ST8SIA1: variants seen among roughly 807,000 people sequenced by gnomAD.
ST8SIA1 encodes the protein alpha-N-acetylneuraminide alpha-2,8-sialyltransferase.
In ST8SIA1, 16 loss-of-function variants were observed where a neutral mutation model predicts 35.9. The observed-to-expected ratio is 0.45, with a 90% CI of 0.30 to 0.68. The LOEUF (loss-of-function observed/expected upper bound fraction) is 0.68. ST8SIA1 is among the 30% of genes least tolerant of loss of function. The probability of loss-of-function intolerance (pLI) is 0.09; values close to 1 mark genes in which losing one functional copy is unlikely to be tolerated. For missense variants in ST8SIA1, 383 were observed against 453.6 expected (o/e 0.84, Z 1.41); for synonymous variants, 170 against 169.6 (o/e 1.00, Z -0.02).
chr12:22,246,610 G>A (rs1434249174), intron 4 of ST8SIA1, among the ~76,000 whole-genome samples: 1 of 152,068 alleles, frequency 6.6e-6, no homozygotes, highest in Non-Finnish European at 1.5e-5. Flanking sequence ...CTTTGTCACA[G>A]TCTTCTGTGT....
At chr12:22,312,713 G>GAAA (rs63016160) in intron 1 of ST8SIA1, among the ~76,000 whole-genome samples, 2 of 103,596 alleles carry the variant, frequency 1.9e-5, no homozygotes, top group African/African-American at 3.3e-5. Context: ...TCACGGAAAT[G>GAAA]AAAAAAAAAA....
At chr12:22,328,382 G>A (rs1022235237) in intron 1 of ST8SIA1, among the ~76,000 whole-genome samples, 6 of 152,170 alleles carry the variant, frequency 3.9e-5, no homozygotes, top group African/African-American at 1.4e-4. Context: ...TAAGAATGAG[G>A]CACAGTTCCT....
At chr12:22,233,319 C>G (rs1259789856) in intron 4 of ST8SIA1, among the ~76,000 whole-genome samples, 3 of 151,714 alleles carry the variant, frequency 2.0e-5, no homozygotes, top group Non-Finnish European at 4.4e-5. Flanking sequence ...GAAATAAAAT[C>G]CCAGCAAAAA....
At chr12:22,222,559 AC>A (rs2120666034) in intron 4 of ST8SIA1, among the ~76,000 whole-genome samples, 1 of 152,060 alleles carries the variant, frequency 6.6e-6, no homozygotes, top group East Asian at 1.9e-4. Context: ...TAAAAGTAGC[AC>A]TGTATGTGAA....
In ST8SIA1 at chr12:22,318,556, C is replaced by T. The variant is rs550213047; in HGVS notation, c.236+15441G>A. On this transcript the variant is annotated intron_variant, in intron 1 of 4. Transcript: ENST00000396037. ...AAGGAAAAAAAGAGACATCCTCCTTCCCCCTCTTTTCCCTGCCTCCTTCTC... is the reference window on the plus strand; with the variant it reads ...AAGGAAAAAAAGAGACATCCTCCTTTCCCCTCTTTTCCCTGCCTCCTTCTC... 2.6e-5 allele frequency among the ~76,000 whole-genome samples: 4 copies of T among 152,226 alleles called. No individual in the cohort carries two copies. In the South Asian group the frequency reaches 8.3e-4, roughly 32 times the overall value.
At chr12:22,227,924 C>G (rs1386170200) in intron 4 of ST8SIA1, among the ~76,000 whole-genome samples, 1 of 152,198 alleles carries the variant, frequency 6.6e-6, no homozygotes, top group East Asian at 1.9e-4. Flanking sequence ...GTTAGGGAGT[C>G]ATACGCAGAA....
intron 4 of ST8SIA1, among the ~76,000 whole-genome samples, chr12:22,233,141 T>C (rs908531477): frequency 3.9e-5 from 6 of 152,096 alleles, no homozygotes; most frequent in East Asian, 1.9e-4. Context: ...AATTTCAAAA[T>C]ATGAGGCGAG....
At chr12:22,321,003 GAAGAAAGAA>G (rs1210593816) in intron 1 of ST8SIA1, among the ~76,000 whole-genome samples, 1 of 76,566 alleles carries the variant, frequency 1.3e-5, no homozygotes, top group African/African-American at 4.8e-5. Flanking sequence ...AAGAAAGAAA[GAAGAAAGAA>G]AGAAAGAAAG....
chr12:22,201,912 A>T lies in ST8SIA1; in HGVS notation c.711T>A (p.Tyr237Ter), dbSNP rs756535785. Residue 237 changes from tyrosine to a stop codon, truncating the protein, a stop_gained, in exon 5 of 5, where the codon TAT becomes TAA. Coordinates refer to ENST00000396037, the MANE Select transcript of ST8SIA1 (RefSeq NM_003034.4). LOFTEE classifies it high-confidence loss of function. ...TGTEPSLRVYYTLSDVGANQT... is the reference protein window; with the variant it reads ...TGTEPSLRVY Reference sequence around the variant, plus strand: ...GATTGGCACCAACATCTGACAGTGTATAATAAACCCTCAAAGATGGCTCTG... The same window carrying T: ...GATTGGCACCAACATCTGACAGTGTTTAATAAACCCTCAAAGATGGCTCTG... 1 of 1,614,124 alleles carries T rather than the reference A, an allele frequency of 6.2e-7. No homozygotes were observed. The highest frequency in any genetic ancestry group is 8.5e-7 in the Non-Finnish European group (1 of 1,179,966).
At chr12:22,294,273 T>G (rs1866216137) in intron 1 of ST8SIA1, among the ~76,000 whole-genome samples, 2 of 150,502 alleles carry the variant, frequency 1.3e-5, no homozygotes, top group Non-Finnish European at 2.9e-5. Context: ...TAATACTGCC[T>G]CTGGGGCAAA....
chr12:22,210,436 T>C (rs1865163929), intron 4 of ST8SIA1, among the ~76,000 whole-genome samples: 1 of 152,208 alleles, frequency 6.6e-6, no homozygotes, highest in Admixed American at 6.5e-5. Context: ...AGAAAAATTC[T>C]GTGACCTATA....
chr12:22,235,365 C>T (rs1865465799), intron 4 of ST8SIA1, among the ~76,000 whole-genome samples: 1 of 151,934 alleles, frequency 6.6e-6, no homozygotes, highest in Non-Finnish European at 1.5e-5. Flanking sequence ...TTCTATTCTC[C>T]AATAAAATGA....
At chr12:22,242,874 A>C (rs1171625722) in intron 4 of ST8SIA1, among the ~76,000 whole-genome samples, 1 of 152,178 alleles carries the variant, frequency 6.6e-6, no homozygotes, top group East Asian at 1.9e-4. Flanking sequence ...CAGAGGATGA[A>C]TGTGACTGCA....
rs1373440208 is a variant in ST8SIA1 at position 22,325,952 on chromosome 12, G to C, written c.236+8045C>G. 4 of 679,022 alleles carry C rather than the reference G, an allele frequency of 5.9e-6. No homozygotes were observed. The South Asian group carries it at 6.4e-5, about 11-fold the overall frequency. 42.1% of individuals were successfully genotyped at this position (679,022 alleles called of 1,614,324 possible). A position where few individuals can be genotyped will look rare whatever the true frequency, so the allele number is the denominator to read the frequency against. On this transcript the variant is annotated intron_variant, in intron 1 of 4. Coordinates refer to ENST00000396037, the MANE Select transcript of ST8SIA1 (RefSeq NM_003034.4). ...GAGACGCTGAACAAAGGGAAGATTCGCATCCCAGGCAAGACATAGTGGGAC... is the reference window on the plus strand; with the variant it reads ...GAGACGCTGAACAAAGGGAAGATTCCCATCCCAGGCAAGACATAGTGGGAC...
In ST8SIA1 at chr12:22,256,768, A is replaced by T. The variant is rs183934539; in HGVS notation, c.382-1379T>A. Among the ~76,000 whole-genome samples the T allele has an allele frequency of 3.5e-3, 533 of 152,298 alleles. 2 individuals are homozygous for T. The highest frequency in any genetic ancestry group is 6.4e-3 in the Non-Finnish European group (438 of 68,032). On this transcript the variant is annotated intron_variant, in intron 2 of 4. Transcript: ENST00000396037. ...TTGTTGATAAAAATACAGTACTTAAAGTGTAATGTCTAAGCATTTGCCAGC... is the reference window on the plus strand; with the variant it reads ...TTGTTGATAAAAATACAGTACTTAATGTGTAATGTCTAAGCATTTGCCAGC...
At chr12:22,323,932 T>A (rs759347885) in intron 1 of ST8SIA1, among the ~76,000 whole-genome samples, 124 of 152,004 alleles carry the variant, frequency 8.2e-4, no homozygotes, top group Non-Finnish European at 2.8e-4. Context: ...GGATGATCTG[T>A]GGAGTAAACC....
At chr12:22,272,185 C>T (rs1289612320) in intron 2 of ST8SIA1, among the ~76,000 whole-genome samples, 1 of 152,168 alleles carries the variant, frequency 6.6e-6, no homozygotes, top group Non-Finnish European at 1.5e-5. Flanking sequence ...CTATAATTTA[C>T]TTTATAATTT....
chr12:22,211,436 A>G (rs1591824752), intron 4 of ST8SIA1, among the ~76,000 whole-genome samples: 2 of 152,322 alleles, frequency 1.3e-5, no homozygotes, highest in South Asian at 2.1e-4. Flanking sequence ...AGGGGCTGTC[A>G]ACCATGATTG....
Position 22,334,090 on chromosome 12 carries a change from A to T in ST8SIA1, c.143T>A (p.Val48Asp). 6.2e-7 allele frequency: 1 copy of T among 1,613,858 alleles called. No individual in the cohort carries two copies. Among genetic ancestry groups the T allele is most frequent in the African/African-American group, 1.3e-5 (1 of 74,962 alleles). The stretch of plus-strand genomic sequence containing the variant: ...CTCTTTCTCGTTGGGCAGCCGGTAG[A>T]CGGGGAAGATGTAGAGCCAACAGAG... ...VVLCWLYIFP[V>D]YRLPNEKEIV... The change falls in exon 1 of 5, where the codon GTC (valine) becomes GAC (aspartate). Residue 48 changes from valine (V) to aspartate (D), a missense_variant. Transcript: ENST00000396037.
Sources: allele counts gnomAD v4.1 joint callset (sites outside exome capture counted in the v4.1 genomes callset), GRCh38; gene constraint gnomAD v4.1.1; transcripts MANE v1.5; gene names NCBI Gene and HGNC (gene_info 2026-07-23, HGNC 2026-07-21).